The following STK32B variants were observed in gnomAD, a reference collection of about 807,000 sequenced individuals.
The protein encoded by STK32B is serine/threonine-protein kinase 32B.
In STK32B, 43 loss-of-function variants were observed where a neutral mutation model predicts 52.6. The observed-to-expected ratio is 0.82, with a 90% CI of 0.64 to 1.05. The LOEUF is 1.05. Among genes scored for constraint, STK32B ranks in the 50% least tolerant of loss-of-function variants. The pLI is 0.00. For missense variants in STK32B, 621 were observed against 534.6 expected (o/e 1.16, Z -1.59); for synonymous variants, 238 against 204.3 (o/e 1.17, Z -1.41).
At chr4:5,404,273 C>A (rs1488261830) in intron 5 of STK32B, among the ~76,000 whole-genome samples, 1 of 152,100 alleles carries the variant, frequency 6.6e-6, no homozygotes, top group Non-Finnish European at 1.5e-5. Context: ...AGGCTCTTCT[C>A]CAGGGCCCTC....
In STK32B at chr4:5,399,955, G is replaced by A. The variant is rs1238180314; in HGVS notation, c.472+1711G>A. ...TCTGCTTAGCTGTCTGGAAAGCAGG[G>A]GTCTGGAAGGCTGGGTTCCAGGCAG... is the stretch of plus-strand genomic sequence containing the variant. On this transcript the variant is annotated intron_variant, in intron 5 of 11. Transcript: ENST00000282908. The surrounding 1 kb of genome is among the most constrained non-coding windows in gnomAD (Gnocchi z 5.4). Among the ~76,000 whole-genome samples the A allele has an allele frequency of 6.6e-6, 1 of 152,168 alleles. No homozygotes were observed. The highest frequency in any genetic ancestry group is 6.5e-5 in the Admixed American group (1 of 15,276).
At chr4:5,267,039 A>G (rs1271056827) in intron 3 of STK32B, among the ~76,000 whole-genome samples, 1 of 152,168 alleles carries the variant, frequency 6.6e-6, no homozygotes, top group Admixed American at 6.5e-5. Context: ...GTGGACCAAG[A>G]TAGGACCTGG....
At chr4:5,031,315 C>G in the STK32B span, among the ~76,000 whole-genome samples, 4 of 152,186 alleles carry the variant, frequency 2.6e-5, no homozygotes, top group Non-Finnish European at 5.9e-5. Flanking sequence ...ATCACACTGT[C>G]GGACTCTGGG....
chr4:5,159,067 G>A (rs1718101023), intron 2 of STK32B, among the ~76,000 whole-genome samples: 1 of 152,138 alleles, frequency 6.6e-6, no homozygotes, highest in Non-Finnish European at 1.5e-5. Context: ...ATACCAGCAA[G>A]CTTTGGCCAA....
chr4:5,368,144 T>C (rs1005776788), intron 4 of STK32B, among the ~76,000 whole-genome samples: 1 of 151,922 alleles, frequency 6.6e-6, no homozygotes, highest in Non-Finnish European at 1.5e-5. Context: ...CCTTTTGCTG[T>C]TGGGTGACTG....
intron 2 of STK32B, among the ~76,000 whole-genome samples, chr4:5,152,588 A>G (rs571300730): frequency 9.3e-4 from 141 of 152,370 alleles, no homozygotes; most frequent in African/African-American, 3.4e-3. Context: ...TCCATGGAGG[A>G]TGTCAGGAGA....
chr4:5,388,061 A>T (rs1736369397), intron 4 of STK32B, among the ~76,000 whole-genome samples: 2 of 152,106 alleles, frequency 1.3e-5, no homozygotes. Context: ...GCCACTTTTT[A>T]ACTATGACCA....
intron 3 of STK32B, among the ~76,000 whole-genome samples, chr4:5,172,294 C>G (rs1344381346): frequency 1.3e-5 from 2 of 152,128 alleles, no homozygotes; most frequent in Non-Finnish European, 2.9e-5. Flanking sequence ...ATTGAATACC[C>G]TTTATTTCCT....
intron 1 of STK32B, among the ~76,000 whole-genome samples, chr4:5,087,899 A>G (rs1262097118): frequency 6.6e-6 from 1 of 152,048 alleles, no homozygotes; most frequent in Non-Finnish European, 1.5e-5. Context: ...ACTAGACAGA[A>G]TATCATCAAA....
intron 6 of STK32B, chr4:5,432,464 G>T (rs1356532229): frequency 6.6e-6 from 1 of 152,224 alleles, no homozygotes; most frequent in Non-Finnish European, 1.5e-5. Context: ...TTTGCCAAGA[G>T]AGAGGGTAAG....
At chr4:5,488,892 T>C (rs1273739905) in intron 11 of STK32B, among the ~76,000 whole-genome samples, 1 of 152,094 alleles carries the variant, frequency 6.6e-6, no homozygotes, top group Non-Finnish European at 1.5e-5. Context: ...CATTTTTTTC[T>C]CAATAAAGAA....
chr4:5,125,737 C>T (rs1269292649), intron 1 of STK32B, among the ~76,000 whole-genome samples: 2 of 152,214 alleles, frequency 1.3e-5, no homozygotes, highest in South Asian at 2.1e-4. Flanking sequence ...CTTCTGCTTT[C>T]ATCAAGAGGT....
chr4:5,285,448 T>C (rs1728485548), intron 3 of STK32B, among the ~76,000 whole-genome samples: 2 of 152,130 alleles, frequency 1.3e-5, no homozygotes, highest in South Asian at 4.1e-4. Context: ...AGTGTCATGA[T>C]GAAAAGCATG....
chr4:5,473,842 CGGT>C (rs1278045954), intron 11 of STK32B, among the ~76,000 whole-genome samples: 1 of 152,142 alleles, frequency 6.6e-6, no homozygotes, highest in African/African-American at 2.4e-5. Flanking sequence ...AGACCGGACA[CGGT>C]GGTTCACACC....
intron 11 of STK32B, among the ~76,000 whole-genome samples, chr4:5,473,665 C>T (rs188049679): frequency 1.9e-4 from 29 of 152,232 alleles, no homozygotes; most frequent in Admixed American, 6.5e-4. Flanking sequence ...CTTCTGTTGG[C>T]GAACCCAGAC....
chr4:5,248,245 A>G lies in STK32B; in HGVS notation c.260+79795A>G, dbSNP rs575229993. On this transcript the variant is annotated intron_variant, in intron 3 of 11. Transcript: ENST00000282908. ...GAGCTGGAACTCAGAGGCCTCCAAG[A>G]TCCCTGCTCTCTGTAATACATGTTA... Among the ~76,000 whole-genome samples the G allele has an allele frequency of 3.5e-4, 53 of 152,320 alleles. No homozygotes were observed. The Middle Eastern group carries it at 0.01, about 29-fold the overall frequency.
chr4:5,351,122 A>G (rs1057218240), intron 4 of STK32B, among the ~76,000 whole-genome samples: 2 of 152,044 alleles, frequency 1.3e-5, no homozygotes, highest in African/African-American at 2.4e-5. Flanking sequence ...TATACTCCAC[A>G]TAAGACCAAA....
At chr4:5,216,574 G>T (rs947161009) in intron 3 of STK32B, among the ~76,000 whole-genome samples, 6 of 152,148 alleles carry the variant, frequency 3.9e-5, no homozygotes, top group African/African-American at 1.4e-4. Flanking sequence ...GAGGAGGGTG[G>T]GCAGGGAGAG....
rs1000888196 is a variant in STK32B at position 5,234,489 on chromosome 4, G to A, written c.260+66039G>A. On this transcript the variant is annotated intron_variant, in intron 3 of 11. Transcript: ENST00000282908. Reference sequence around the variant, plus strand: ...TCACTGCTCTATTTCCTAGCTCAGTGTCTGGCACATAGAAAGGGCTCAATA... The same window carrying A: ...TCACTGCTCTATTTCCTAGCTCAGTATCTGGCACATAGAAAGGGCTCAATA... Among the ~76,000 whole-genome samples, 44 of 144,930 alleles carry A rather than the reference G, an allele frequency of 3.0e-4. No individual in the cohort carries two copies. In the Admixed American group the frequency reaches 3.1e-3, roughly 10 times the overall value.
Sources: allele counts gnomAD v4.1 joint callset (sites outside exome capture counted in the v4.1 genomes callset), GRCh38; gene constraint gnomAD v4.1.1; non-coding constraint Gnocchi (gnomAD v3.1); transcripts MANE v1.5; gene names NCBI Gene and HGNC (gene_info 2026-07-23, HGNC 2026-07-21).